The following MAD1L1 variants were observed in gnomAD, a reference collection of about 807,000 sequenced individuals.
MAD1L1 encodes the protein mitotic arrest deficient 1 like 1, also known as mitotic spindle assembly checkpoint protein MAD1.
MAD1L1 carries 95 observed loss-of-function variants against 96.9 expected under a neutral mutation model. The observed-to-expected ratio is 0.98, with a 90% CI of 0.83 to 1.16. MAD1L1 has a LOEUF of 1.16. Among genes scored for constraint, MAD1L1 ranks in the 50% most tolerant of loss-of-function variants. The pLI is 0.00. For synonymous variants in MAD1L1, 473 were observed against 396.6 expected (o/e 1.19, Z -2.29); for missense variants, 1,007 against 954.4 (o/e 1.06, Z -0.73).
intron 15 of MAD1L1, among the ~76,000 whole-genome samples, chr7:1,979,010 A>C (rs1306335563): frequency 6.6e-6 from 1 of 152,258 alleles, no homozygotes; most frequent in African/African-American, 2.4e-5. Context: ...TCTAGAAGGC[A>C]TCATAGCTGC....
chr7:1,828,906 CCTT>C (rs908839696), intron 18 of MAD1L1, among the ~76,000 whole-genome samples: 2 of 152,134 alleles, frequency 1.3e-5, no homozygotes, highest in African/African-American at 4.8e-5. Context: ...GCCAAATTGA[CCTT>C]CTAAGGATGA....
intron 15 of MAD1L1, among the ~76,000 whole-genome samples, chr7:1,977,108 G>A (rs893091581): frequency 2.6e-5 from 4 of 152,220 alleles, no homozygotes; most frequent in African/African-American, 4.8e-5. Context: ...CACGTCACAC[G>A]CCTGCACTCC....
At chr7:1,989,883 T>C (rs1425466060) in intron 14 of MAD1L1, among the ~76,000 whole-genome samples, 3 of 152,222 alleles carry the variant, frequency 2.0e-5, no homozygotes, top group Non-Finnish European at 4.4e-5. Context: ...CCAACCTTCA[T>C]GAAACATTCA....
rs1269041718 is a variant in MAD1L1 at position 2,088,505 on chromosome 7, G to A, written c.1074-19167C>T. On this transcript the variant is annotated intron_variant, in intron 11 of 18. Transcript: ENST00000265854. The surrounding 1 kb of genome is among the most constrained non-coding windows in gnomAD (Gnocchi z 4.4). ...CCAGGGAACACCGCCCCAGCCTCGA[G>A]TGCCACCATGACAGCTCTGGAGCTG... 2.0e-5 allele frequency among the ~76,000 whole-genome samples: 3 copies of A among 152,188 alleles called. No individual in the cohort carries two copies. Among genetic ancestry groups the A allele is most frequent in the Admixed American group, 2.0e-4 (3 of 15,290 alleles).
intron 18 of MAD1L1, among the ~76,000 whole-genome samples, chr7:1,836,886 G>A (rs959302468): frequency 2.0e-5 from 3 of 152,132 alleles, no homozygotes; most frequent in African/African-American, 7.2e-5. Flanking sequence ...AATGGAGGCA[G>A]TCTTTGTGAC....
intron 10 of MAD1L1, among the ~76,000 whole-genome samples, chr7:2,199,981 G>A (rs1434948452): frequency 6.6e-6 from 1 of 152,204 alleles, no homozygotes; most frequent in Non-Finnish European, 1.5e-5. Flanking sequence ...CAGAGTTCCA[G>A]GAAGCCACAC....
chr7:1,972,457 T>C (rs1780447563), intron 15 of MAD1L1, among the ~76,000 whole-genome samples: 1 of 152,230 alleles, frequency 6.6e-6, no homozygotes, highest in Non-Finnish European at 1.5e-5. Flanking sequence ...GTGAGTCCGC[T>C]GCTTCAAGTT....
At chr7:1,851,937 G>A (rs1261276516) in intron 18 of MAD1L1, among the ~76,000 whole-genome samples, 1 of 152,218 alleles carries the variant, frequency 6.6e-6, no homozygotes, top group East Asian at 1.9e-4. Flanking sequence ...GGGACCAATG[G>A]TGGGAAGAGC....
At chr7:2,065,129 T>G (rs965902639) in intron 12 of MAD1L1, among the ~76,000 whole-genome samples, 1 of 152,256 alleles carries the variant, frequency 6.6e-6, no homozygotes, top group Non-Finnish European at 1.5e-5. Context: ...AGGAAGAACA[T>G]GGAACTCTTC....
At chr7:1,927,507 G>A (rs999424553) in intron 17 of MAD1L1, among the ~76,000 whole-genome samples, 3 of 152,228 alleles carry the variant, frequency 2.0e-5, no homozygotes, top group African/African-American at 7.2e-5. Flanking sequence ...CAAGGGAACA[G>A]AAGAGAAGGT....
At chr7:1,878,382 T>C (rs538894471) in intron 18 of MAD1L1, among the ~76,000 whole-genome samples, 1 of 152,164 alleles carries the variant, frequency 6.6e-6, no homozygotes, top group African/African-American at 2.4e-5. Context: ...CACAGATGAA[T>C]ATTGCACAAG....
chr7:1,981,429 T>C (rs1346204625), intron 14 of MAD1L1, among the ~76,000 whole-genome samples: 1 of 152,062 alleles, frequency 6.6e-6, no homozygotes, highest in Non-Finnish European at 1.5e-5. Flanking sequence ...AGGGGCTACG[T>C]AGGCACCAGC....
At chr7:2,219,651 G>T (rs956302929) in intron 5 of MAD1L1, among the ~76,000 whole-genome samples, 195 bp from the exon 6 acceptor site, 5 of 124,022 alleles carry the variant, frequency 4.0e-5, no homozygotes, top group Non-Finnish European at 8.7e-5. Flanking sequence ...CGGTAGGGGG[G>T]CAGATGGCAA....
intron 10 of MAD1L1, among the ~76,000 whole-genome samples, chr7:2,188,109 T>C (rs1277467351): frequency 6.6e-6 from 1 of 152,228 alleles, no homozygotes; most frequent in Non-Finnish European, 1.5e-5. Context: ...GAGCAATGTA[T>C]GATGTTACAT....
intron 18 of MAD1L1, among the ~76,000 whole-genome samples, chr7:1,888,447 T>C (rs1021929866): frequency 3.4e-5 from 4 of 118,548 alleles, no homozygotes; most frequent in African/African-American, 2.0e-4. Context: ...CCTGTACATG[T>C]GTGTGCACGC....
chr7:1,861,948 G>C (rs1206791999), intron 18 of MAD1L1, among the ~76,000 whole-genome samples: 1 of 152,132 alleles, frequency 6.6e-6, no homozygotes, highest in African/African-American at 2.4e-5. Context: ...CCCAGGAGCT[G>C]CTGGGAACGT....
intron 12 of MAD1L1, among the ~76,000 whole-genome samples, chr7:2,054,913 G>A (rs1052381340): frequency 2.0e-5 from 3 of 152,366 alleles, no homozygotes; most frequent in African/African-American, 4.8e-5. Flanking sequence ...GCTGCTCCTT[G>A]GACATCCCCA....
At chr7:1,924,236 A>C (rs1788970128) in intron 17 of MAD1L1, among the ~76,000 whole-genome samples, 1 of 152,248 alleles carries the variant, frequency 6.6e-6, no homozygotes, top group South Asian at 2.1e-4. Context: ...AGCTTGGTGT[A>C]GAAAGCACAT....
At chr7:2,151,125 A>T (rs1431832019) in intron 10 of MAD1L1, among the ~76,000 whole-genome samples, 3 of 152,270 alleles carry the variant, frequency 2.0e-5, no homozygotes, top group Admixed American at 2.0e-4. Flanking sequence ...GTACGAAAGT[A>T]AGGAAACCTT....
Sources: gnomAD v4.1 joint callset for allele counts (sites outside exome capture counted in the v4.1 genomes callset) on GRCh38, gnomAD v4.1.1 for gene constraint, Gnocchi (gnomAD v3.1) non-coding constraint, MANE v1.5 for transcripts, NCBI Gene and HGNC (gene_info 2026-07-23, HGNC 2026-07-21) for gene names.